DAB1: variants seen among roughly 807,000 people sequenced by gnomAD.
DAB1 encodes disabled homolog 1.
DAB1 carries 15 observed loss-of-function variants against 64.6 expected under a neutral mutation model. The observed-to-expected ratio is 0.23, with a 90% CI of 0.16 to 0.36. The LOEUF (loss-of-function observed/expected upper bound fraction) is 0.36, where lower values mean the gene tolerates loss of function less well. Ranked by LOEUF, DAB1 falls within the 10% of genes least tolerant of loss-of-function variation. DAB1 has a pLI of 1.00. For missense variants in DAB1, 596 were observed against 706.7 expected, an observed-to-expected ratio of 0.84 and a Z score of 1.78; for synonymous variants, 235 against 251.9, an observed-to-expected ratio of 0.93 and a Z score of 0.64.
intron 1 of DAB1, among the ~76,000 whole-genome samples, chr1:57,306,163 C>T (rs78606943): frequency 0.017 from 2,568 of 152,072 alleles, 59 homozygotes; most frequent in African/African-American, 0.059. Flanking sequence ...TATCAAGTCC[C>T]GGGTCCCACT....
At chr1:58,326,339 C>G (rs1214986733) in intron 4 of DAB1, among the ~76,000 whole-genome samples, 1 of 152,150 alleles carries the variant, frequency 6.6e-6, no homozygotes, top group Non-Finnish European at 1.5e-5. Flanking sequence ...TGGCTGCTCT[C>G]CCTGGCTGCA....
At chr1:58,483,610 A>T in intron 3 of DAB1, among the ~76,000 whole-genome samples, 1 of 152,238 alleles carries the variant, frequency 6.6e-6, no homozygotes, top group East Asian at 1.9e-4. Context: ...TAAATGTTTA[A>T]GTAAACTGAA....
rs909924731 is a variant in DAB1 at position 58,539,382 on chromosome 1, T to A, written n.32+7321A>T. 7 of 678,072 alleles carry A rather than the reference T, an allele frequency of 1.0e-5. 1 individual carries two copies. Among genetic ancestry groups the A allele is most frequent in the Non-Finnish European group, 1.7e-5 (7 of 404,160 alleles). 42.0% of individuals were successfully genotyped at this position (678,072 alleles called of 1,614,324 possible). ...ACCAAACTGGGACTATAACACTTAT[T>A]AAATAGGCGTGTCAGTTGTTCTTCT... On this transcript the variant is annotated intron_variant and non_coding_transcript_variant, in intron 1 of 20. Coordinates refer to the DAB1 transcript ENST00000485760.
intron 9 of DAB1, among the ~76,000 whole-genome samples, chr1:57,048,829 T>A (rs1189467713): frequency 6.6e-6 from 1 of 152,242 alleles, no homozygotes; most frequent in African/African-American, 2.4e-5. Context: ...GCCTGCATTG[T>A]AGCAGAGAGA....
At chr1:58,143,928 G>A (rs1654449818) in intron 5 of DAB1, among the ~76,000 whole-genome samples, 1 of 152,210 alleles carries the variant, frequency 6.6e-6, no homozygotes, top group Non-Finnish European at 1.5e-5. Flanking sequence ...ACAGGATGAT[G>A]TCTTGTCAGA....
chr1:58,061,246 C>T (rs1039838853), intron 5 of DAB1, among the ~76,000 whole-genome samples: 9 of 152,172 alleles, frequency 5.9e-5, no homozygotes, highest in Non-Finnish European at 1.0e-4. Flanking sequence ...TCGCTTAACC[C>T]CTCTGCTTTA....
At chr1:57,321,820 T>A (rs1283630314) in intron 1 of DAB1, among the ~76,000 whole-genome samples, 1 of 152,204 alleles carries the variant, frequency 6.6e-6, no homozygotes, top group East Asian at 1.9e-4. Context: ...TAGTCACATT[T>A]ACTACTGTCA....
intron 1 of DAB1, among the ~76,000 whole-genome samples, chr1:57,828,720 A>T (rs1347705762): frequency 6.6e-6 from 1 of 152,256 alleles, no homozygotes; most frequent in East Asian, 1.9e-4. Context: ...GAAAAAAAGG[A>T]TGGGCTAAGA....
intron 7 of DAB1, among the ~76,000 whole-genome samples, chr1:57,510,133 A>G (rs1644390058): frequency 6.6e-6 from 1 of 152,162 alleles, no homozygotes. Context: ...AGCCCTACAC[A>G]CACAACTGCA....
intron 6 of DAB1, among the ~76,000 whole-genome samples, chr1:57,714,739 C>G (rs1387741693): frequency 6.6e-6 from 1 of 152,044 alleles, no homozygotes; most frequent in Admixed American, 6.6e-5. Flanking sequence ...TCAAGAATTC[C>G]AAGTTTATTC....
At position 57,234,521 on chromosome 1, in the gene DAB1, A is replaced by G. The variant is rs185345182; in HGVS notation, c.67+56443T>C. Among the ~76,000 whole-genome samples, 535 of 152,304 alleles carry G rather than the reference A, an allele frequency of 3.5e-3. 9 individuals carry two copies. Among genetic ancestry groups the G allele is most frequent in the East Asian group, 0.021 (107 of 5,188 alleles). On this transcript the variant is annotated intron_variant, in intron 2 of 14. Coordinates refer to ENST00000371236, the MANE Select transcript of DAB1 (RefSeq NM_001365792.1). ...TTTCCATAAAATAACCCTATCAGGT[A>G]ACTGCTATTATTAATAACTAATATA...
intron 2 of DAB1, among the ~76,000 whole-genome samples, chr1:57,154,891 C>G (rs1486914827): frequency 6.6e-6 from 1 of 152,114 alleles, no homozygotes; most frequent in African/African-American, 2.4e-5. Flanking sequence ...GATCAGCTTA[C>G]TAGATTTTTT....
chr1:58,014,368 A>G (rs182431899), intron 5 of DAB1, among the ~76,000 whole-genome samples: 1 of 152,354 alleles, frequency 6.6e-6, no homozygotes, highest in East Asian at 1.9e-4. Context: ...ACAGTTTAGT[A>G]AAAACACTCT....
At chr1:57,238,477 T>C (rs921167950) in intron 2 of DAB1, among the ~76,000 whole-genome samples, 17 of 152,230 alleles carry the variant, frequency 1.1e-4, no homozygotes, top group Non-Finnish European at 2.4e-4. Flanking sequence ...CTGATGAAGA[T>C]TCGCTCTCTT....
chr1:57,927,078 A>G (rs1644890471), intron 5 of DAB1, among the ~76,000 whole-genome samples: 2 of 152,164 alleles, frequency 1.3e-5, no homozygotes, highest in African/African-American at 4.8e-5. Flanking sequence ...AAACTTTCTG[A>G]TCATCAGTCT....
chr1:57,382,830 G>T (rs1229461097), intron 1 of DAB1, among the ~76,000 whole-genome samples: 1 of 152,010 alleles, frequency 6.6e-6, no homozygotes, highest in Non-Finnish European at 1.5e-5. Context: ...TTCCATATAA[G>T]AATAACATCT....
intron 5 of DAB1, among the ~76,000 whole-genome samples, chr1:58,065,722 A>C (rs1648817313): frequency 6.6e-6 from 1 of 152,044 alleles, no homozygotes; most frequent in South Asian, 2.1e-4. Context: ...GTGATTTTGG[A>C]ATCTACATCT....
At chr1:58,239,666 G>A (rs954295937) in intron 4 of DAB1, among the ~76,000 whole-genome samples, 4 of 152,122 alleles carry the variant, frequency 2.6e-5, no homozygotes, top group East Asian at 3.9e-4. Context: ...CCTTCAGCTC[G>A]CTTATATTAT....
At chr1:57,026,084 C>T in intron 9 of DAB1, 41 bp from the exon 10 acceptor site, 2 of 1,482,296 alleles carry the variant, frequency 1.3e-6, no homozygotes, top group Non-Finnish European at 1.9e-6. Context: ...ACAAAGAAAG[C>T]TGGTGCTGCT....
Sources: allele counts gnomAD v4.1 joint callset (sites outside exome capture counted in the v4.1 genomes callset), GRCh38; gene constraint gnomAD v4.1.1; transcripts MANE v1.5; gene names NCBI Gene and HGNC (gene_info 2026-07-23, HGNC 2026-07-21).